RIMKLB: variants seen among roughly 807,000 people sequenced by gnomAD.
The protein encoded by RIMKLB is ribosomal modification protein rimK like family member B.
A neutral mutation model predicts 32.0 loss-of-function variants in RIMKLB; 7 were observed. The ratio of observed to expected loss-of-function variants is 0.22; its 90% CI spans 0.12 to 0.41. The LOEUF is 0.41. Among genes scored for constraint, RIMKLB ranks in the 10% least tolerant of loss-of-function variants. The probability of loss-of-function intolerance (pLI) is 1.00; values close to 1 mark genes in which losing one functional copy is unlikely to be tolerated. For missense variants in RIMKLB, 289 were observed against 498.7 expected (o/e 0.58, Z 4.00); for synonymous variants, 172 against 185.1 (o/e 0.93, Z 0.57).
intron 2 of RIMKLB, among the ~76,000 whole-genome samples, chr12:8,744,555 ATCT>A (rs201152487): frequency 0.034 from 5,104 of 151,724 alleles, 398 homozygotes; most frequent in African/African-American, 0.12. Flanking sequence ...TCAAAATTTA[ATCT>A]TCTTGTTTTG....
intron 1 of RIMKLB, among the ~76,000 whole-genome samples, chr12:8,703,706 C>G (rs1943608235): frequency 6.6e-6 from 1 of 152,182 alleles, no homozygotes; most frequent in Non-Finnish European, 1.5e-5. Flanking sequence ...AGGTGTGAAT[C>G]ACTGTGCCTG....
intron 1 of RIMKLB, among the ~76,000 whole-genome samples, chr12:8,709,440 G>A (rs548654979): frequency 2.6e-5 from 4 of 152,256 alleles, no homozygotes; most frequent in Non-Finnish European, 5.9e-5. Flanking sequence ...CCAAGGCTAG[G>A]AGAGAACCAT....
chr12:8,686,474 T>A (rs1036301401), intron 1 of RIMKLB, among the ~76,000 whole-genome samples: 6 of 145,782 alleles, frequency 4.1e-5, no homozygotes, highest in East Asian at 2.0e-4. Flanking sequence ...TTTTTTTTTT[T>A]ATTCAGGGTT....
chr12:8,678,342 T>C (rs887109162), upstream of RIMKLB, among the ~76,000 whole-genome samples: 11 of 151,504 alleles, frequency 7.3e-5, no homozygotes, highest in Non-Finnish European at 1.5e-4. Flanking sequence ...TTTTCTTTTT[T>C]TTTTTGAGAT....
intron 2 of RIMKLB, among the ~76,000 whole-genome samples, chr12:8,725,211 C>G (rs1213082032): frequency 1.3e-5 from 2 of 152,188 alleles, no homozygotes; most frequent in Non-Finnish European, 2.9e-5. Flanking sequence ...CTGAAAACTC[C>G]ATGTGTAGAC....
intron 1 of RIMKLB, among the ~76,000 whole-genome samples, chr12:8,710,935 C>T (rs1484861136): frequency 3.1e-5 from 4 of 128,818 alleles, no homozygotes; most frequent in South Asian, 5.0e-4. Context: ...TGAGATCAGT[C>T]TGGGCAACGT....
intron 2 of RIMKLB, among the ~76,000 whole-genome samples, chr12:8,741,679 C>G (rs1947545986): frequency 6.6e-6 from 1 of 151,006 alleles, no homozygotes; most frequent in Non-Finnish European, 1.5e-5. Flanking sequence ...ACTCGGGAGG[C>G]TGAGGCAGGA....
At chr12:8,705,764 C>G (rs1943819693) in intron 1 of RIMKLB, among the ~76,000 whole-genome samples, 1 of 152,170 alleles carries the variant, frequency 6.6e-6, no homozygotes, top group African/African-American at 2.4e-5. Flanking sequence ...TCTGTAAACT[C>G]AGACAGGACT....
In RIMKLB at chr12:8,774,883, T is replaced by G. The variant is rs1294069668; in HGVS notation, c.*1099T>G. 1 of 985,472 alleles carries G rather than the reference T, an allele frequency of 1.0e-6. No individual in the cohort carries two copies. The highest frequency in any genetic ancestry group is 1.2e-6 in the Non-Finnish European group (1 of 829,742). 61.0% of individuals were successfully genotyped at this position (985,472 alleles called of 1,614,324 possible). Reference sequence around the variant, plus strand: ...TTTTACGAGGGAGTATATGTGTATGTGTGTGCACGCATGCATGTGTATGTG... The same window carrying G: ...TTTTACGAGGGAGTATATGTGTATGGGTGTGCACGCATGCATGTGTATGTG... On this transcript the variant is annotated 3_prime_UTR_variant, in exon 6 of 6. Transcript: ENST00000535829.
chr12:8,711,191 G>A lies in RIMKLB; in HGVS notation c.-56-2620G>A, dbSNP rs143769114. ...AGAAGTTGCAGTGAGCCAAGGTTGC[G>A]CCACTGCACTCCAGCCTGGGTGGCA... On this transcript the variant is annotated intron_variant, in intron 1 of 5. Transcript: ENST00000535829. Among the ~76,000 whole-genome samples, 876 of 151,650 alleles carry A rather than the reference G, an allele frequency of 5.8e-3. 4 individuals are homozygous for A. Among genetic ancestry groups the A allele is most frequent in the African/African-American group, 0.018 (740 of 41,336 alleles).
rs145710217 is a variant in RIMKLB at position 8,754,302 on chromosome 12, A to G, written c.697+209A>G. Among the ~76,000 whole-genome samples the G allele has an allele frequency of 1.9e-3, 297 of 152,314 alleles. 1 individual carries two copies. Among genetic ancestry groups the G allele is most frequent in the African/African-American group, 6.8e-3 (284 of 41,564 alleles). ...ATATAATTCTGTTTCACTGAATCATATTAAATCTGCCTTCACCCGTTCTCA... is the reference window on the plus strand; with the variant it reads ...ATATAATTCTGTTTCACTGAATCATGTTAAATCTGCCTTCACCCGTTCTCA... On this transcript the variant is annotated intron_variant, in intron 5 of 5. Coordinates refer to ENST00000535829, the MANE Select transcript of RIMKLB (RefSeq NM_001297776.2).
Position 8,746,317 on chromosome 12 carries a change from A to G in RIMKLB, c.176-3545A>G, listed in dbSNP as rs1948082307. Reference sequence around the variant, plus strand: ...TCACTGCTAACGCCTAAGAAATGATATCAAGGGCCGGGAGCTCATGCCTGT... The same window carrying G: ...TCACTGCTAACGCCTAAGAAATGATGTCAAGGGCCGGGAGCTCATGCCTGT... On this transcript the variant is annotated intron_variant, in intron 2 of 5. Coordinates refer to ENST00000535829, the MANE Select transcript of RIMKLB (RefSeq NM_001297776.2). 1.3e-5 allele frequency among the ~76,000 whole-genome samples: 2 copies of G among 151,598 alleles called. 1 individual carries two copies. Among genetic ancestry groups the G allele is most frequent in the African/African-American group, 4.9e-5 (2 of 41,026 alleles).
At chr12:8,727,241 ATTG>A (rs1946105353) in intron 2 of RIMKLB, among the ~76,000 whole-genome samples, 1 of 151,974 alleles carries the variant, frequency 6.6e-6, no homozygotes, top group African/African-American at 2.4e-5. Flanking sequence ...TGTTGTTATT[ATTG>A]TTGTTTTTGA....
At chr12:8,778,066 A>T (rs1950835169), downstream of RIMKLB, among the ~76,000 whole-genome samples, 1 of 152,164 alleles carries the variant, frequency 6.6e-6, no homozygotes, top group African/African-American at 2.4e-5. Flanking sequence ...TCTATAATTA[A>T]GTATTTCAGA....
intron 2 of RIMKLB, among the ~76,000 whole-genome samples, chr12:8,724,296 T>C (rs1945768204): frequency 6.6e-6 from 1 of 152,232 alleles, no homozygotes; most frequent in East Asian, 1.9e-4. Context: ...TCTCATTTGA[T>C]TCATTGATTT....
chr12:8,674,222 CTTTTT>C, the RIMKLB span, among the ~76,000 whole-genome samples: 8,844 of 120,822 alleles, frequency 0.073, 1,082 homozygotes, highest in African/African-American at 0.25. Flanking sequence ...TCTCACAATT[CTTTTT>C]TTTTTTTTTT....
At chr12:8,733,217 C>A (rs7968935) in intron 2 of RIMKLB, among the ~76,000 whole-genome samples, 3 of 149,960 alleles carry the variant, frequency 2.0e-5, no homozygotes. Flanking sequence ...CAGCCCCCAA[C>A]AACAAAGAAT....
At chr12:8,759,938 C>T (rs948164141) in intron 5 of RIMKLB, among the ~76,000 whole-genome samples, 1 of 152,144 alleles carries the variant, frequency 6.6e-6, no homozygotes, top group Non-Finnish European at 1.5e-5. Flanking sequence ...ATCTTGGCAT[C>T]TTTATTTTTT....
At chr12:8,678,770 C>T (rs1291761055), upstream of RIMKLB, 1 of 152,230 alleles carries the variant, frequency 6.6e-6, no homozygotes, top group Non-Finnish European at 1.5e-5. Context: ...TTGCATTTCC[C>T]TCATTGTGGT....
Sources: allele counts gnomAD v4.1 joint callset (sites outside exome capture counted in the v4.1 genomes callset), GRCh38; gene constraint gnomAD v4.1.1; transcripts MANE v1.5; gene names NCBI Gene and HGNC (gene_info 2026-07-23, HGNC 2026-07-21).